VPS53: variants seen among roughly 807,000 people sequenced by gnomAD.
The protein encoded by VPS53 is vacuolar protein sorting-associated protein 53 homolog.
Under a neutral mutation model 107.0 loss-of-function variants are expected in VPS53, and 70 were observed. The ratio of observed to expected loss-of-function variants is 0.65; its 90% CI spans 0.54 to 0.80. The LOEUF (loss-of-function observed/expected upper bound fraction) is 0.80. Among genes scored for constraint, VPS53 ranks in the 30% least tolerant of loss-of-function variants. The pLI, the probability that VPS53 is intolerant of heterozygous loss-of-function variation, is 0.00. For synonymous variants in VPS53, 409 were observed against 393.3 expected (o/e 1.04, Z -0.47); for missense variants, 917 against 1,049.4 (o/e 0.87, Z 1.74).
chr17:684,444 C>T (rs1401893199), intron 4 of VPS53, among the ~76,000 whole-genome samples: 1 of 152,104 alleles, frequency 6.6e-6, no homozygotes, highest in East Asian at 1.9e-4. Context: ...TTAAGAGATA[C>T]CATTTATAAT....
Position 628,234 on chromosome 17 carries a change from A to G in VPS53, c.688-3T>C, listed in dbSNP as rs188572742. 1.7e-4 allele frequency: 281 copies of G among 1,613,266 alleles called. 1 individual carries two copies. The African/African-American group carries it at 3.3e-3, about 19-fold the overall frequency. ...ACATTGCTGGGTCCTCCTGGTCTCT[A>G]GTAAAACAAACATGTACCAGGTGAA... On this transcript the variant is annotated splice_polypyrimidine_tract_variant and splice_region_variant and intron_variant, in intron 8 of 21. Coordinates refer to ENST00000437048, the MANE Select transcript of VPS53 (RefSeq NM_001128159.3).
intron 5 of VPS53, among the ~76,000 whole-genome samples, chr17:658,460 A>C (rs1375789415): frequency 7.1e-6 from 1 of 140,450 alleles, no homozygotes; most frequent in Non-Finnish European, 1.5e-5. Flanking sequence ...TGAAGTGAGA[A>C]ACTTGGCCGT....
chr17:655,313 T>TTTAAAAAGTAG (rs1417193779), intron 6 of VPS53, among the ~76,000 whole-genome samples: 2 of 3,926 alleles, frequency 5.1e-4, no homozygotes, highest in East Asian at 0.02. Context: ...AAATCTACTT[T>TTTAAAAAGTAG]ATAAAAAAAA....
At chr17:709,335 A>G (rs1973549974) in intron 2 of VPS53, among the ~76,000 whole-genome samples, 3 of 152,238 alleles carry the variant, frequency 2.0e-5, no homozygotes, top group Admixed American at 2.0e-4. Context: ...CCATAAGACC[A>G]AGACCAGATT....
At chr17:531,411 A>T (rs1446006167) in intron 19 of VPS53, among the ~76,000 whole-genome samples, 1 of 152,230 alleles carries the variant, frequency 6.6e-6, no homozygotes, top group Non-Finnish European at 1.5e-5. Flanking sequence ...TTGTTAAAAA[A>T]TAATAACAAT....
intron 10 of VPS53, among the ~76,000 whole-genome samples, chr17:626,536 T>A (rs1250626260): frequency 6.6e-6 from 1 of 152,094 alleles, no homozygotes; most frequent in East Asian, 1.9e-4. Context: ...GAGCCAGGTG[T>A]GGTTACACAC....
At chr17:579,708 C>G (rs1966886091) in intron 13 of VPS53, among the ~76,000 whole-genome samples, 1 of 151,782 alleles carries the variant, frequency 6.6e-6, no homozygotes, top group Non-Finnish European at 1.5e-5. Flanking sequence ...GAACCACCCT[C>G]AGGACCTAAT....
intron 11 of VPS53, among the ~76,000 whole-genome samples, chr17:603,338 C>T (rs1363674186): frequency 6.6e-6 from 1 of 152,206 alleles, no homozygotes; most frequent in Non-Finnish European, 1.5e-5. Context: ...ACAAGAATTG[C>T]TTGAATCCAG....
At chr17:674,699 C>G (rs760781792) in intron 4 of VPS53, 1 of 152,362 alleles carries the variant, frequency 6.6e-6, no homozygotes, top group Middle Eastern at 3.4e-3. Context: ...TATGAATCAG[C>G]CTTCCAGGCT....
chr17:589,617 G>A (rs1567654396), intron 12 of VPS53, among the ~76,000 whole-genome samples: 3 of 151,990 alleles, frequency 2.0e-5, no homozygotes, highest in Non-Finnish European at 4.4e-5. Flanking sequence ...ATTTTAAAAA[G>A]AAAAAAAGTA....
intron 13 of VPS53, among the ~76,000 whole-genome samples, chr17:582,224 T>C (rs1567647624): frequency 7.1e-6 from 1 of 141,604 alleles, no homozygotes; most frequent in Non-Finnish European, 1.5e-5. Flanking sequence ...CAGAACCTAA[T>C]GTGTTCCCAG....
intron 11 of VPS53, among the ~76,000 whole-genome samples, chr17:604,661 C>T (rs1054445477): frequency 6.6e-6 from 1 of 152,158 alleles, no homozygotes; most frequent in African/African-American, 2.4e-5. Flanking sequence ...CTGGGCTGGT[C>T]TGAAACTCCT....
Position 635,715 on chromosome 17 carries a change from G to A in VPS53, c.609-4087C>T, listed in dbSNP as rs184697710. On this transcript the variant is annotated intron_variant, in intron 7 of 21. Coordinates refer to ENST00000437048, the MANE Select transcript of VPS53 (RefSeq NM_001128159.3). The stretch of plus-strand genomic sequence containing the variant: ...AAAGATCAGATGGTTGTAGATGTGT[G>A]GTATTATTTCTGAGGGCTCTGTTCT... 9.8e-4 allele frequency among the ~76,000 whole-genome samples: 149 copies of A among 152,188 alleles called. 1 individual carries two copies. The highest frequency in any genetic ancestry group is 3.3e-3 in the African/African-American group (139 of 41,502).
At chr17:525,726 G>A (rs964258516) in intron 19 of VPS53, among the ~76,000 whole-genome samples, 11 of 151,676 alleles carry the variant, frequency 7.3e-5, no homozygotes, top group Middle Eastern at 3.4e-3. Flanking sequence ...GGCCAGGCGC[G>A]GTGTCTCATG....
intron 2 of VPS53, 43 bp downstream of exon 2, chr17:710,490 G>A (rs1973596521): frequency 6.7e-7 from 1 of 1,502,472 alleles, no homozygotes; most frequent in Admixed American, 1.7e-5. Flanking sequence ...CCCAAGATGT[G>A]CCAAAAGCTG....
In VPS53 at chr17:548,540, CG is replaced by C. The variant is rs1567615286; in HGVS notation, c.1866+3331del. On this transcript the variant is annotated intron_variant, in intron 17 of 21. Coordinates refer to ENST00000437048, the MANE Select transcript of VPS53 (RefSeq NM_001128159.3). ...CAACAGTCCTTCTGGAATCATCCAA[CG>C]ACTACACTCCACTTTGGCCAGCCAA... 3.0e-3 allele frequency among the ~76,000 whole-genome samples: 174 copies of C among 57,352 alleles called. 6 individuals are homozygous for C. Among genetic ancestry groups the C allele is most frequent in the African/African-American group, 0.011 (147 of 13,232 alleles). 37.6% of individuals were successfully genotyped at this position (57,352 alleles called of 152,430 possible).
intron 18 of VPS53, among the ~76,000 whole-genome samples, chr17:535,204 C>T (rs1484805775): frequency 6.6e-6 from 1 of 152,184 alleles, no homozygotes; most frequent in Non-Finnish European, 1.5e-5. Context: ...AGATCCCAGG[C>T]TGAATGATTA....
chr17:575,401 G>A (rs1177223120), intron 13 of VPS53, among the ~76,000 whole-genome samples: 2 of 152,144 alleles, frequency 1.3e-5, no homozygotes, highest in Admixed American at 6.5e-5. Flanking sequence ...ACCTAAATGC[G>A]TAAATGCAAC....
chr17:596,057 C>T (rs58180134), intron 12 of VPS53, among the ~76,000 whole-genome samples: 14 of 150,720 alleles, frequency 9.3e-5, no homozygotes, highest in African/African-American at 3.2e-4. Context: ...CCCTGGAGGA[C>T]GCTGGGAGAT....
Sources: allele counts gnomAD v4.1 joint callset (sites outside exome capture counted in the v4.1 genomes callset), GRCh38; gene constraint gnomAD v4.1.1; transcripts MANE v1.5; gene names NCBI Gene and HGNC (gene_info 2026-07-23, HGNC 2026-07-21).